The following ANTXR1 variants were observed in gnomAD, a reference collection of about 807,000 sequenced individuals.
ANTXR1 encodes ANTXR cell adhesion molecule 1, also known as anthrax toxin receptor 1.
ANTXR1 carries 19 observed loss-of-function variants against 78.1 expected under a neutral mutation model. The ratio of observed to expected loss-of-function variants is 0.24; its 90% confidence interval spans 0.17 to 0.36. The LOEUF is 0.36. ANTXR1 is among the 10% of genes least tolerant of loss of function. ANTXR1 has a pLI of 1.00. For synonymous variants in ANTXR1, 273 were observed against 260.5 expected, an observed-to-expected ratio of 1.05 and a Z score of -0.46; for missense variants, 518 against 718.6, an observed-to-expected ratio of 0.72 and a Z score of 3.19.
intron 9 of ANTXR1, 65 bp downstream of exon 9, chr2:69,090,984 A>C: frequency 6.6e-7 from 1 of 1,521,388 alleles, no homozygotes. Flanking sequence ...CAAGTCACGT[A>C]TGTACTTCAT....
intron 6 of ANTXR1, 43 bp downstream of exon 6, chr2:69,073,144 G>A: frequency 6.3e-7 from 1 of 1,588,032 alleles, no homozygotes; most frequent in East Asian, 2.2e-5. Context: ...ACATGGAACG[G>A]GGCTTCTCCT....
chr2:69,096,394 A>G lies in ANTXR1; in HGVS notation c.703+5475A>G, dbSNP rs570210725. On this transcript the variant is annotated intron_variant, in intron 9 of 17. Coordinates refer to ENST00000303714, the MANE Select transcript of ANTXR1 (RefSeq NM_032208.3). ...GGAGGAAGGAGGGAAGGAAGGAAGG[A>G]AGGAAGGAAGGAAATCAAAAAGAAT... Among the ~76,000 whole-genome samples the G allele has an allele frequency of 1.7e-3, 238 of 138,984 alleles. 43 individuals are homozygous for G. The highest frequency in any genetic ancestry group is 5.4e-3 in the Admixed American group (71 of 13,224). The allele number at this position is 138,984 out of a possible 152,430, so 91.2% of individuals were successfully genotyped here.
rs141202830 is a variant in ANTXR1, at chr2:69,102,891, C to T, written c.753C>T (p.Asn251=). The change falls in exon 10 of 18, where the codon AAC becomes AAT. Residue 251 remains asparagine, a synonymous_variant. Coordinates refer to ENST00000303714, the MANE Select transcript of ANTXR1 (RefSeq NM_032208.3). ...VRGNGFRHAR[N]VDRVLCSFKI... ...GAAACGGCTTCCGACATGCCCGCAA[C>T]GTGGACAGGGTCCTCTGCAGCTTCA... 149 of 1,614,058 alleles carry T rather than the reference C, an allele frequency of 9.2e-5. 2 individuals are homozygous for T. The highest frequency in any genetic ancestry group is 1.0e-4 in the Non-Finnish European group (120 of 1,180,046).
At chr2:69,090,757 T>C (rs1293953595) in intron 8 of ANTXR1, 102 bp from the exon 9 acceptor site, 1 of 1,210,038 alleles carries the variant, frequency 8.3e-7, no homozygotes. Context: ...CAAATGTCCT[T>C]GAACCTTCCT....
intron 17 of ANTXR1, among the ~76,000 whole-genome samples, chr2:69,205,426 G>T (rs980238458): frequency 6.6e-6 from 1 of 152,102 alleles, no homozygotes; most frequent in Non-Finnish European, 1.5e-5. Context: ...CAGGCACTCA[G>T]TACTCAGCCA....
chr2:69,128,645 C>A (rs189030708), intron 12 of ANTXR1, among the ~76,000 whole-genome samples: 22 of 152,284 alleles, frequency 1.4e-4, no homozygotes, highest in Admixed American at 1.4e-3. Flanking sequence ...TCCTACACAG[C>A]AACTCAAATT....
chr2:69,061,145 GA>G (rs1240950857), intron 3 of ANTXR1, among the ~76,000 whole-genome samples: 1 of 152,194 alleles, frequency 6.6e-6, no homozygotes, highest in Non-Finnish European at 1.5e-5. Flanking sequence ...AAGGGTTAGA[GA>G]GTGAAAACTG....
At position 69,075,116 on chromosome 2, in the gene ANTXR1, T is replaced by A. The variant is rs186324781; in HGVS notation, c.493-474T>A. Among the ~76,000 whole-genome samples the A allele has an allele frequency of 6.2e-3, 939 of 152,296 alleles. 9 individuals carry two copies. Among genetic ancestry groups the A allele is most frequent in the African/African-American group, 0.022 (895 of 41,554 alleles). ...TATGAGTATCTACGTGGTTCTAGCC[T>A]TGTGTGAGGAGCTCTGTAAATGTTC... On this transcript the variant is annotated intron_variant, in intron 6 of 17. Transcript: ENST00000303714.
chr2:69,131,208 T>TA (rs1185398482), intron 12 of ANTXR1, among the ~76,000 whole-genome samples: 1 of 152,154 alleles, frequency 6.6e-6, no homozygotes, highest in Non-Finnish European at 1.5e-5. Context: ...GGAATTTGCC[T>TA]AAAAAAATAA....
At chr2:69,134,359 T>C (rs1672851808) in intron 12 of ANTXR1, among the ~76,000 whole-genome samples, 1 of 152,176 alleles carries the variant, frequency 6.6e-6, no homozygotes, top group South Asian at 2.1e-4. Flanking sequence ...TTCTACAGAT[T>C]ATTTGTTGTA....
intron 17 of ANTXR1, among the ~76,000 whole-genome samples, chr2:69,227,919 G>A (rs570293387): frequency 6.6e-6 from 1 of 152,372 alleles, no homozygotes; most frequent in African/African-American, 2.4e-5. Context: ...GCCTCTTGAA[G>A]CAGCTTTTGC....
At chr2:69,218,985 G>C (rs1675247801) in intron 17 of ANTXR1, among the ~76,000 whole-genome samples, 2 of 152,052 alleles carry the variant, frequency 1.3e-5, no homozygotes, top group Admixed American at 6.6e-5. Context: ...TTTGACATCG[G>C]GAAACCCACT....
At chr2:69,176,604 C>T (rs1309669486) in intron 14 of ANTXR1, among the ~76,000 whole-genome samples, 1 of 152,198 alleles carries the variant, frequency 6.6e-6, no homozygotes, top group African/African-American at 2.4e-5. Flanking sequence ...ATATTGTCGA[C>T]AGCTGAGTTC....
chr2:69,143,920 G>A (rs192641945), intron 12 of ANTXR1, among the ~76,000 whole-genome samples: 10 of 152,250 alleles, frequency 6.6e-5, no homozygotes, highest in East Asian at 3.9e-4. Flanking sequence ...CAGAGTGGGC[G>A]GATGAGTTAG....
chr2:69,074,322 G>T (rs185441604), intron 6 of ANTXR1, among the ~76,000 whole-genome samples: 2 of 152,288 alleles, frequency 1.3e-5, no homozygotes, highest in Admixed American at 1.3e-4. Context: ...ATGCAAGATG[G>T]CTTGATTGGG....
intron 7 of ANTXR1, among the ~76,000 whole-genome samples, 160 bp downstream of exon 7, chr2:69,075,818 G>C (rs192246486): frequency 6.6e-6 from 1 of 152,324 alleles, no homozygotes; most frequent in East Asian, 1.9e-4. Flanking sequence ...GTTGTGTAAG[G>C]AATATGAAGT....
chr2:69,021,500 G>A (rs1041559067), intron 1 of ANTXR1, among the ~76,000 whole-genome samples: 1 of 152,202 alleles, frequency 6.6e-6, no homozygotes, highest in African/African-American at 2.4e-5. Flanking sequence ...GAGCCAGGCT[G>A]GTGGAGATTC....
chr2:69,013,479 G>T lies in ANTXR1; in HGVS notation c.-21G>T, dbSNP rs1429351047. 1.3e-6 allele frequency: 2 copies of T among 1,585,228 alleles called. No homozygotes were observed. The highest frequency in any genetic ancestry group is 1.7e-6 in the Non-Finnish European group (2 of 1,168,120). On this transcript the variant is annotated 5_prime_UTR_variant, in exon 1 of 18. Transcript: ENST00000303714. The surrounding 1 kb of genome is among the most constrained non-coding windows in gnomAD (Gnocchi z 5.0). ...CGGAGCGTGGGAAGGAGCGGACCCT[G>T]CTCTCCCCGGGCTGCGGGCCATGGC...
At chr2:69,041,642 C>G (rs1016149839) in intron 2 of ANTXR1, among the ~76,000 whole-genome samples, 1 of 152,206 alleles carries the variant, frequency 6.6e-6, no homozygotes, top group African/African-American at 2.4e-5. Flanking sequence ...CATGTGCAAG[C>G]CCACCAGTCC....
Sources: gnomAD v4.1 joint callset for allele counts (sites outside exome capture counted in the v4.1 genomes callset) on GRCh38, gnomAD v4.1.1 for gene constraint, Gnocchi (gnomAD v3.1) non-coding constraint, MANE v1.5 for transcripts, NCBI Gene and HGNC (gene_info 2026-07-23, HGNC 2026-07-21) for gene names.